MACROD2: variants seen among roughly 807,000 people sequenced by gnomAD.
MACROD2 encodes the protein mono-ADP ribosylhydrolase 2.
A neutral mutation model predicts 70.4 loss-of-function variants in MACROD2; 36 were observed. The ratio of observed to expected loss-of-function variants is 0.51; its 90% confidence interval spans 0.39 to 0.68. MACROD2 has a LOEUF of 0.68. Ranked by LOEUF, MACROD2 falls within the 30% of genes least tolerant of loss-of-function variation. The pLI, the probability that MACROD2 is intolerant of heterozygous loss-of-function variation, is 0.00. For synonymous variants in MACROD2, 172 were observed against 178.8 expected (o/e 0.96, Z 0.30); for missense variants, 496 against 538.4 (o/e 0.92, Z 0.78).
intron 3 of MACROD2, among the ~76,000 whole-genome samples, chr20:14,117,609 C>CT (rs2054532456): frequency 6.6e-6 from 1 of 152,022 alleles, no homozygotes; most frequent in Non-Finnish European, 1.5e-5. Context: ...TCTTAATAAT[C>CT]TTTTTTCCTC....
chr20:14,532,514 C>G (rs941919264), intron 4 of MACROD2, among the ~76,000 whole-genome samples: 2 of 152,030 alleles, frequency 1.3e-5, no homozygotes, highest in Admixed American at 1.3e-4. Flanking sequence ...TGAGCCACAA[C>G]TAATCATTTT....
At chr20:15,738,250 T>A (rs997248849) in intron 8 of MACROD2, among the ~76,000 whole-genome samples, 7 of 152,340 alleles carry the variant, frequency 4.6e-5, no homozygotes, top group Non-Finnish European at 7.3e-5. Context: ...ACCTCATTTA[T>A]TCTGATATGA....
At chr20:14,171,017 C>T (rs903279650) in intron 3 of MACROD2, among the ~76,000 whole-genome samples, 26 of 152,044 alleles carry the variant, frequency 1.7e-4, no homozygotes, top group African/African-American at 3.9e-4. Flanking sequence ...ATTTCAGTCT[C>T]GCTGCTTATT....
intron 5 of MACROD2, among the ~76,000 whole-genome samples, chr20:15,124,118 TTTC>T (rs2076049485): frequency 6.6e-6 from 1 of 152,152 alleles, no homozygotes; most frequent in African/African-American, 2.4e-5. Context: ...TTGGGGTACT[TTTC>T]TTCTCTCTTT....
At chr20:14,243,885 C>T (rs2081948385) in intron 3 of MACROD2, among the ~76,000 whole-genome samples, 1 of 152,124 alleles carries the variant, frequency 6.6e-6, no homozygotes, top group South Asian at 2.1e-4. Context: ...GTTGTTTTAT[C>T]AAGTCGTAGC....
intron 4 of MACROD2, among the ~76,000 whole-genome samples, chr20:14,576,972 A>T (rs1205128322): frequency 6.6e-6 from 1 of 152,208 alleles, no homozygotes. Flanking sequence ...TATGGTAAAT[A>T]CCATGTTCTT....
intron 6 of MACROD2, among the ~76,000 whole-genome samples, chr20:15,425,644 G>A (rs989428390): frequency 3.3e-5 from 5 of 152,170 alleles, no homozygotes; most frequent in Admixed American, 3.3e-4. Context: ...CAGGTCAATG[G>A]TGGTCAATAA....
intron 10 of MACROD2, among the ~76,000 whole-genome samples, chr20:15,909,170 A>G: frequency 6.6e-6 from 1 of 152,126 alleles, no homozygotes; most frequent in East Asian, 1.9e-4. Flanking sequence ...GAAGAACTGG[A>G]GCTCTTTGGG....
intron 8 of MACROD2, among the ~76,000 whole-genome samples, chr20:15,587,441 A>C (rs1328709099): frequency 2.6e-5 from 4 of 152,184 alleles, no homozygotes; most frequent in Non-Finnish European, 4.4e-5. Context: ...TTTCAAAACC[A>C]ATCATGCCTT....
intron 8 of MACROD2, among the ~76,000 whole-genome samples, chr20:15,678,398 A>G (rs555325763): frequency 6.7e-6 from 1 of 149,812 alleles, no homozygotes. Context: ...CTCGCTCTGT[A>G]GCCCAGGCTG....
intron 4 of MACROD2, among the ~76,000 whole-genome samples, chr20:14,592,484 C>G (rs11908103): frequency 0.03 from 4,638 of 152,178 alleles, 107 homozygotes; most frequent in Non-Finnish European, 0.042. Context: ...AGTGCAGTGG[C>G]GTGATTACAG....
intron 8 of MACROD2, among the ~76,000 whole-genome samples, chr20:15,725,760 A>T (rs1275449522): frequency 6.6e-6 from 1 of 151,902 alleles, no homozygotes; most frequent in Admixed American, 6.6e-5. Context: ...TAGAATCCAG[A>T]TATCTATATG....
At chr20:15,464,277 A>G (rs2046856406) in intron 7 of MACROD2, among the ~76,000 whole-genome samples, 1 of 151,912 alleles carries the variant, frequency 6.6e-6, no homozygotes. Flanking sequence ...CAGCCTCCCA[A>G]CGTGTTGGGA....
intron 3 of MACROD2, among the ~76,000 whole-genome samples, chr20:14,115,931 A>G (rs2054507981): frequency 6.6e-6 from 1 of 152,196 alleles, no homozygotes; most frequent in Non-Finnish European, 1.5e-5. Context: ...ACATAAGAAA[A>G]AGGCTCCCTG....
intron 6 of MACROD2, among the ~76,000 whole-genome samples, chr20:15,414,123 A>C (rs1410147521): frequency 6.6e-6 from 1 of 152,088 alleles, no homozygotes; most frequent in African/African-American, 2.4e-5. Flanking sequence ...TTTCACTTTT[A>C]CTGCCACTTG....
intron 2 of MACROD2, among the ~76,000 whole-genome samples, chr20:14,052,714 A>C (rs1326905811): frequency 6.6e-6 from 1 of 152,032 alleles, no homozygotes; most frequent in Non-Finnish European, 1.5e-5. Flanking sequence ...TTTTTTTGCA[A>C]ACCATATGTC....
At chr20:15,798,070 AC>A (rs1427377496) in intron 8 of MACROD2, among the ~76,000 whole-genome samples, 59 of 152,332 alleles carry the variant, frequency 3.9e-4, no homozygotes, top group African/African-American at 1.4e-3. Flanking sequence ...TTTTGCTAAA[AC>A]TTTATTTACA....
intron 3 of MACROD2, among the ~76,000 whole-genome samples, chr20:14,176,561 A>C (rs930777252): frequency 6.6e-6 from 1 of 152,132 alleles, no homozygotes; most frequent in Non-Finnish European, 1.5e-5. Context: ...CTTTTCTTTG[A>C]TATTTAGTCC....
chr20:15,881,848 G>T (rs992132630), intron 9 of MACROD2, among the ~76,000 whole-genome samples: 3 of 152,122 alleles, frequency 2.0e-5, no homozygotes, highest in African/African-American at 4.8e-5. Context: ...AGAACATCTT[G>T]TGAGGTTAGA....
Sources: gnomAD v4.1 joint callset for allele counts (sites outside exome capture counted in the v4.1 genomes callset) on GRCh38, gnomAD v4.1.1 for gene constraint, MANE v1.5 for transcripts, NCBI Gene and HGNC (gene_info 2026-07-23, HGNC 2026-07-21) for gene names.